Variants in PLCE1 observed in about 807,000 individuals in gnomAD.
PLCE1 encodes the protein phospholipase C epsilon 1, also known as 1-phosphatidylinositol 4,5-bisphosphate phosphodiesterase epsilon-1.
A neutral mutation model predicts 242.8 loss-of-function variants in PLCE1; 119 were observed. The ratio of observed to expected loss-of-function variants is 0.49; its 90% CI spans 0.42 to 0.57. PLCE1 has a LOEUF of 0.57. PLCE1 is among the 20% of genes least tolerant of loss of function. The pLI is 0.00. For missense variants in PLCE1, 2,441 were observed against 2,788.8 expected (o/e 0.88, Z 2.81); for synonymous variants, 945 against 1,017.4 (o/e 0.93, Z 1.35).
At chr10:94,138,873 G>T in intron 3 of PLCE1, 1 of 176,394 alleles carries the variant, frequency 5.7e-6, no homozygotes, top group Non-Finnish European at 1.2e-5. Context: ...TGAGAATGCT[G>T]CCCCACACAC....
intron 25 of PLCE1, 121 bp downstream of exon 25, chr10:94,304,766 G>A: frequency 1.1e-6 from 1 of 896,408 alleles, no homozygotes; most frequent in Non-Finnish European, 1.8e-6. Flanking sequence ...TACAGATTTA[G>A]TTCCCAGAAT....
In PLCE1 at chr10:94,325,131, G is replaced by T. The variant is rs1192984796; in HGVS notation, c.*24+27G>T. Reference sequence around the variant, plus strand: ...TATAGTAAGTCATTGCACCATCCTGGAACAGGGCTTAACTTAAACTACTTT... The same window carrying T: ...TATAGTAAGTCATTGCACCATCCTGTAACAGGGCTTAACTTAAACTACTTT... On this transcript the variant is annotated intron_variant, in intron 32 of 32. Coordinates refer to ENST00000371380, the MANE Select transcript of PLCE1 (RefSeq NM_016341.4). 2.7e-6 allele frequency: 4 copies of T among 1,492,846 alleles called. No homozygotes were observed. In the South Asian group the frequency reaches 3.4e-5, roughly 13 times the overall value. 92.5% of individuals were successfully genotyped at this position (1,492,846 alleles called of 1,614,324 possible). A position where few individuals can be genotyped will look rare whatever the true frequency, so the allele number is the denominator to read the frequency against.
intron 19 of PLCE1, chr10:94,279,479 C>G (rs2133248803): frequency 2.4e-6 from 1 of 418,742 alleles, no homozygotes. Flanking sequence ...TGCTGGTTCT[C>G]CAAATCACCA....
At chr10:94,152,877 G>C (rs148382299) in intron 3 of PLCE1, among the ~76,000 whole-genome samples, 92 of 152,134 alleles carry the variant, frequency 6.0e-4, no homozygotes, top group African/African-American at 2.0e-3. Context: ...GGTTATTTCT[G>C]CAATAGTATG....
intron 14 of PLCE1, among the ~76,000 whole-genome samples, chr10:94,264,146 A>G (rs1397354242): frequency 6.6e-6 from 1 of 152,194 alleles, no homozygotes; most frequent in Non-Finnish European, 1.5e-5. Flanking sequence ...AACTGAGTCA[A>G]GTAAAGGAAT....
intron 2 of PLCE1, among the ~76,000 whole-genome samples, chr10:94,122,462 C>T (rs1205517466): frequency 4.6e-5 from 7 of 152,130 alleles, no homozygotes; most frequent in African/African-American, 1.2e-4. Context: ...GTATCTCAGA[C>T]GTGATTCATC....
chr10:94,211,048 T>C (rs1399070882), intron 4 of PLCE1, among the ~76,000 whole-genome samples: 1 of 152,246 alleles, frequency 6.6e-6, no homozygotes, highest in Non-Finnish European at 1.5e-5. Context: ...CTGCCACCTC[T>C]TGGACTCCGT....
At chr10:94,131,322 A>G (rs1315868874) in intron 2 of PLCE1, among the ~76,000 whole-genome samples, 4 of 152,094 alleles carry the variant, frequency 2.6e-5, no homozygotes, top group African/African-American at 9.7e-5. Context: ...GGCCTCATCG[A>G]AGATTGTGAA....
intron 8 of PLCE1, among the ~76,000 whole-genome samples, chr10:94,249,493 C>T (rs1489206197): frequency 6.6e-6 from 1 of 151,616 alleles, no homozygotes; most frequent in African/African-American, 2.4e-5. Flanking sequence ...TGGGTTTTTC[C>T]AAACTTCTGT....
At chr10:94,067,943 A>G (rs1257564905) in intron 2 of PLCE1, among the ~76,000 whole-genome samples, 1 of 152,156 alleles carries the variant, frequency 6.6e-6, no homozygotes, top group African/African-American at 2.4e-5. Flanking sequence ...CAGAAGTTAC[A>G]TAGCATGGTT....
In PLCE1 at chr10:94,293,583, A is replaced by G. The variant is rs201633028; in HGVS notation, c.5111A>G (p.Asn1704Ser). ...AGCAGGAAGTCCATTTTTGGCAACA[A>G]TCCGGGCAGAATGAGCCCAGGGGAG... ...RKSRKSIFGN[N>S]PGRMSPGETA... is the part of the protein sequence containing the mutation. The change falls in exon 23 of 33, where the codon AAT (asparagine) becomes AGT (serine). Residue 1704 changes from asparagine (N) to serine (S), a missense_variant. By Grantham distance (46) the Asn-to-Ser change is conservative. Transcript: ENST00000371380. 551 of 1,613,934 alleles carry G rather than the reference A, an allele frequency of 3.4e-4. 1 individual carries two copies. Among genetic ancestry groups the G allele is most frequent in the Non-Finnish European group, 4.2e-4 (496 of 1,179,934 alleles).
chr10:94,171,422 A>C lies in PLCE1; in HGVS notation c.1735A>C (p.Ile579Leu). The C allele has an allele frequency of 6.2e-7, 1 of 1,614,198 alleles. No individual in the cohort carries two copies. The highest frequency in any genetic ancestry group is 1.1e-5 in the South Asian group (1 of 91,084). The change falls in exon 4 of 33, where the codon ATC (isoleucine) becomes CTC (leucine). Residue 579 changes from isoleucine to leucine, a missense_variant. Physicochemically the swap from Ile to Leu is conservative, Grantham distance 5. This residue lies in a region of PLCE1 where 733 missense variants were observed against 754.2 expected (regional missense o/e 0.97). Transcript: ENST00000371380. ...QSSLPCLKASISASILTTQNG... is the reference protein window; with the variant it reads ...QSSLPCLKASLSASILTTQNG... The stretch of plus-strand genomic sequence containing the variant: ...CTCCTTGCCCTGCCTCAAAGCATCC[A>C]TCTCAGCGTCGATTCTTACCACTCA...
At position 94,094,314 on chromosome 10, in the gene PLCE1, C is replaced by T. The variant is rs140041304; in HGVS notation, c.1207-37860C>T. Among the ~76,000 whole-genome samples, 210 of 126,174 alleles carry T rather than the reference C, an allele frequency of 1.7e-3. 1 individual carries two copies. The highest frequency in any genetic ancestry group is 7.7e-3 in the African/African-American group (174 of 22,744). The allele number at this position is 126,174 out of a possible 152,430, so 82.8% of individuals were successfully genotyped here. On this transcript the variant is annotated intron_variant, in intron 2 of 32. Coordinates refer to ENST00000371380, the MANE Select transcript of PLCE1 (RefSeq NM_016341.4). ...ATACAAATATGAACAAGACAGCCAC[C>T]GTGTTAGAGAGAAACAGTAAACAAT...
chr10:94,057,184 TG>T (rs1434374063), intron 2 of PLCE1, among the ~76,000 whole-genome samples: 1 of 152,184 alleles, frequency 6.6e-6, no homozygotes, highest in East Asian at 1.9e-4. Context: ...ATAGAAATGC[TG>T]GGTCATTTGG....
At chr10:94,193,757 C>T (rs1170345345) in intron 4 of PLCE1, among the ~76,000 whole-genome samples, 1 of 152,208 alleles carries the variant, frequency 6.6e-6, no homozygotes, top group African/African-American at 2.4e-5. Context: ...CTTTCCTCTT[C>T]TGCCTCCACG....
intron 24 of PLCE1, among the ~76,000 whole-genome samples, chr10:94,303,906 G>T (rs1021679064): frequency 3.9e-5 from 6 of 152,042 alleles, no homozygotes; most frequent in African/African-American, 1.4e-4. Flanking sequence ...CATTTACATA[G>T]CATTTACATT....
intron 16 of PLCE1, 43 bp downstream of exon 16, chr10:94,266,001 ATTAT>A (rs766834914): frequency 2.6e-5 from 42 of 1,591,676 alleles, no homozygotes; most frequent in Non-Finnish European, 3.4e-5. Flanking sequence ...ATTAAACCTA[ATTAT>A]TTATGTAACC....
intron 27 of PLCE1, among the ~76,000 whole-genome samples, chr10:94,312,149 A>T (rs1589521502): frequency 6.6e-6 from 1 of 152,352 alleles, no homozygotes; most frequent in Middle Eastern, 3.4e-3. Context: ...ATACAATTAG[A>T]ATGTGTGCAT....
intron 3 of PLCE1, among the ~76,000 whole-genome samples, chr10:94,142,465 G>A (rs1321909459): frequency 6.6e-6 from 1 of 152,072 alleles, no homozygotes; most frequent in African/African-American, 2.4e-5. Context: ...GCTGCAGTGC[G>A]CTATGATCCT....
Sources: allele counts gnomAD v4.1 joint callset (sites outside exome capture counted in the v4.1 genomes callset), GRCh38; gene constraint gnomAD v4.1.1; regional missense constraint gnomAD v4.1.1; transcripts MANE v1.5; gene names NCBI Gene and HGNC (gene_info 2026-07-23, HGNC 2026-07-21).